Variants in CHRNE observed in about 807,000 individuals in gnomAD.
CHRNE encodes cholinergic receptor nicotinic epsilon subunit.
A neutral mutation model predicts 56.5 loss-of-function variants in CHRNE; 58 were observed. The ratio of observed to expected loss-of-function variants is 1.03; its 90% CI spans 0.83 to 1.28. The LOEUF is 1.28. Ranked by LOEUF, CHRNE falls within the 50% of genes most tolerant of loss-of-function variation. The pLI is 0.00. For missense variants in CHRNE, 793 were observed against 688.9 expected (o/e 1.15, Z -1.69); for synonymous variants, 385 against 297.9 (o/e 1.29, Z -3.01).
At chr17:4,901,846 C>T in intron 5 of CHRNE, 86 bp downstream of exon 5, 1 of 1,585,580 alleles carries the variant, frequency 6.3e-7, no homozygotes, top group African/African-American at 1.3e-5. Flanking sequence ...AAGCCCCGCC[C>T]CGAGGGCGGT....
intron 10 of CHRNE, 30 bp from the exon 11 acceptor site, chr17:4,899,137 A>C: frequency 6.3e-7 from 1 of 1,599,810 alleles, no homozygotes; most frequent in South Asian, 1.1e-5. Context: ...GGTGGGCCTT[A>C]GGAGCCTCCC....
chr17:4,900,806 GCA>G lies in CHRNE; in HGVS notation c.902_903del (p.Val301AlafsTer95). 6.2e-7 allele frequency: 1 copy of G among 1,613,740 alleles called. No individual in the cohort carries two copies. The highest frequency in any genetic ancestry group is 8.5e-7 in the Non-Finnish European group (1 of 1,179,776). On this transcript the variant is annotated frameshift_variant, in exon 8 of 12. Coordinates refer to ENST00000649488, the MANE Select transcript of CHRNE (RefSeq NM_000080.4). LOFTEE classifies it high-confidence loss of function. ...AQKIPETSLS[V>X]PLLGRFLIFV... The stretch of plus-strand genomic sequence containing the variant: ...CTCCGGCTTCACCTGCCCAGGAGCG[GCA>G]CGCTCAGAGAAGTCTCTGGGATTTT...
intron 5 of CHRNE, 54 bp downstream of exon 5, chr17:4,901,878 C>CA: frequency 1.4e-6 from 2 of 1,475,984 alleles, no homozygotes; most frequent in Non-Finnish European, 1.9e-6. Context: ...GGCCCCGCCC[C>CA]ATAAGGCCCC....
chr17:4,899,640 G>A (rs1275772708), intron 8 of CHRNE, 58 bp from the exon 9 acceptor site: 4 of 1,468,760 alleles, frequency 2.7e-6, no homozygotes, highest in Middle Eastern at 1.8e-4. Context: ...CGAAGGCGCC[G>A]CGCGCTGACC....
upstream of CHRNE, among the ~76,000 whole-genome samples, chr17:4,904,159 G>A (rs749180705): frequency 1.2e-4 from 18 of 151,904 alleles, no homozygotes; most frequent in Middle Eastern, 3.4e-3. Flanking sequence ...GCCCAGCCTC[G>A]ATGTTTTTTG....
chr17:4,906,366 G>A (rs1229148241), upstream of CHRNE, among the ~76,000 whole-genome samples: 3 of 152,050 alleles, frequency 2.0e-5, no homozygotes, highest in African/African-American at 7.2e-5. Context: ...CATTCTCACT[G>A]CTAGAGCTGA....
At chr17:4,899,929 T>A in intron 8 of CHRNE, 1 of 1,550,182 alleles carries the variant, frequency 6.5e-7, no homozygotes, top group Non-Finnish European at 8.7e-7. Context: ...CTCTGCTCCT[T>A]CTCCAGGTGG....
rs761086547 is a variant in CHRNE at position 4,901,194 on chromosome 17, C to A, written c.602-4G>T. 3.1e-5 allele frequency: 49 copies of A among 1,601,312 alleles called. No homozygotes were observed. The Middle Eastern group carries it at 4.9e-4, about 16-fold the overall frequency. ...TCGATGGCCCACTCGCCGTTCTCTG[C>A]GGGACGGGGGCACGGTCAGCTGGCT... On this transcript the variant is annotated splice_region_variant and splice_polypyrimidine_tract_variant and intron_variant, in intron 6 of 11. Transcript: ENST00000649488.
chr17:4,907,958 C>T (rs1269892043), upstream of CHRNE, among the ~76,000 whole-genome samples: 1 of 152,032 alleles, frequency 6.6e-6, no homozygotes, highest in Non-Finnish European at 1.5e-5. Context: ...GGGCGGATCA[C>T]GAGGTCAGTA....
chr17:4,906,261 G>A (rs1970091510), upstream of CHRNE, among the ~76,000 whole-genome samples: 1 of 152,104 alleles, frequency 6.6e-6, no homozygotes, highest in African/African-American at 2.4e-5. Flanking sequence ...AGTGGGTGTG[G>A]CAGGCCCTGA....
Position 4,902,893 on chromosome 17 carries a change from T to C in CHRNE, c.46+125A>G. The stretch of plus-strand genomic sequence containing the variant: ...TATCAGTATCTGTCTCCTAAACCAA[T>C]TATGCTGTGCCTGGGAACGAAATAC... On this transcript the variant is annotated intron_variant, in intron 1 of 11. Coordinates refer to ENST00000649488, the MANE Select transcript of CHRNE (RefSeq NM_000080.4). The surrounding 1 kb of genome is among the most constrained non-coding windows in gnomAD (Gnocchi z 4.0). 1 of 1,581,832 alleles carries C rather than the reference T, an allele frequency of 6.3e-7. No individual in the cohort carries two copies. The highest frequency in any genetic ancestry group is 8.7e-7 in the Non-Finnish European group (1 of 1,151,638).
At chr17:4,907,617 C>T (rs1326142530), upstream of CHRNE, among the ~76,000 whole-genome samples, 1 of 151,514 alleles carries the variant, frequency 6.6e-6, no homozygotes, top group Non-Finnish European at 1.5e-5. Flanking sequence ...TCCAGTGTCC[C>T]CTGCTCTAAG....
chr17:4,899,711 G>A (rs1329751485), intron 8 of CHRNE, 129 bp from the exon 9 acceptor site: 6 of 1,515,434 alleles, frequency 4.0e-6, no homozygotes, highest in South Asian at 2.4e-5. Flanking sequence ...CCCCCTACAC[G>A]ACGACAGACG....
chr17:4,898,969 C>T (rs1198919467), intron 11 of CHRNE, 32 bp downstream of exon 11: 1 of 1,274,246 alleles, frequency 7.8e-7, no homozygotes, highest in Admixed American at 2.5e-5. Flanking sequence ...GGGCCTCTGC[C>T]TCGCTCCACC....
At chr17:4,906,775 C>T (rs1567641694), upstream of CHRNE, among the ~76,000 whole-genome samples, 1 of 151,348 alleles carries the variant, frequency 6.6e-6, no homozygotes, top group African/African-American at 2.4e-5. Flanking sequence ...AGAGAGAAAA[C>T]TGTTTAAAAA....
At chr17:4,907,952 G>T (rs1029872852), upstream of CHRNE, among the ~76,000 whole-genome samples, 1 of 152,060 alleles carries the variant, frequency 6.6e-6, no homozygotes, top group South Asian at 2.1e-4. Flanking sequence ...CGAGGCGGGC[G>T]GATCACGAGG....
At chr17:4,907,072 T>C (rs1281848477), upstream of CHRNE, among the ~76,000 whole-genome samples, 2 of 151,956 alleles carry the variant, frequency 1.3e-5, no homozygotes, top group African/African-American at 4.8e-5. Flanking sequence ...GGTAGGTGGA[T>C]GGTGGGGATG....
Position 4,901,710 on chromosome 17 carries a change from C to G in CHRNE, c.501-85G>C, listed in dbSNP as rs367959085. Reference sequence around the variant, plus strand: ...CCCAGCCCTGGAAGCTGGGATCTAGCGGGGCCGCGATCCCAAGCCCACCCC... The same window carrying G: ...CCCAGCCCTGGAAGCTGGGATCTAGGGGGGCCGCGATCCCAAGCCCACCCC... On this transcript the variant is annotated intron_variant, in intron 5 of 11. Transcript: ENST00000649488. The G allele has an allele frequency of 1.1e-5, 15 of 1,396,982 alleles. No homozygotes were observed. In the African/African-American group the frequency reaches 1.3e-4, roughly 12 times the overall value. 86.5% of individuals were successfully genotyped at this position (1,396,982 alleles called of 1,614,324 possible).
At chr17:4,899,807 C>T (rs778410074) in intron 8 of CHRNE, 3 of 1,551,106 alleles carry the variant, frequency 1.9e-6, no homozygotes, top group Admixed American at 2.0e-5. Flanking sequence ...TGTGGATCTA[C>T]CACTTCCACA....
Sources: allele counts gnomAD v4.1 joint callset (sites outside exome capture counted in the v4.1 genomes callset), GRCh38; gene constraint gnomAD v4.1.1; non-coding constraint Gnocchi (gnomAD v3.1); transcripts MANE v1.5; gene names NCBI Gene and HGNC (gene_info 2026-07-23, HGNC 2026-07-21).